Variants in MRS2 observed in about 807,000 individuals in gnomAD.
The protein encoded by MRS2 is magnesium transporter MRS2 homolog, mitochondrial.
In MRS2, 40 loss-of-function variants were observed where a neutral mutation model predicts 52.6. That is an observed-to-expected ratio of 0.76 (90% CI 0.59 to 0.99). MRS2 has a LOEUF of 0.99. Ranked by LOEUF, MRS2 falls within the 50% of genes least tolerant of loss-of-function variation. The pLI is 0.00. For missense variants in MRS2, 472 were observed against 532.7 expected (o/e 0.89, Z 1.12); for synonymous variants, 193 against 195.9 (o/e 0.98, Z 0.13).
intron 5 of MRS2, among the ~76,000 whole-genome samples, chr6:24,414,198 A>C (rs1761760497): frequency 6.6e-6 from 1 of 150,770 alleles, no homozygotes; most frequent in African/African-American, 2.4e-5. Flanking sequence ...TTTCTCGGAG[A>C]GGGGGATTTG....
intron 8 of MRS2, 22 bp from the exon 9 acceptor site, chr6:24,418,439 G>A (rs774246609): frequency 1.2e-6 from 2 of 1,613,584 alleles, no homozygotes; most frequent in Non-Finnish European, 1.7e-6. Flanking sequence ...CTTCTAATCT[G>A]AATAGGTGTT....
intron 1 of MRS2, 25 bp from the exon 2 acceptor site, chr6:24,405,143 G>A (rs1761419186): frequency 5.7e-6 from 9 of 1,584,022 alleles, no homozygotes; most frequent in Non-Finnish European, 6.9e-6. Flanking sequence ...TGTGACCACA[G>A]GAATTCTCTT....
At chr6:24,423,245 T>TA (rs1266811985) in intron 10 of MRS2, 195 bp downstream of exon 10, 1 of 552,786 alleles carries the variant, frequency 1.8e-6, no homozygotes, top group Non-Finnish European at 3.2e-6. Flanking sequence ...AATTAAACAA[T>TA]ATGTGTAAAG....
At chr6:24,408,050 T>C (rs938196756) in intron 2 of MRS2, among the ~76,000 whole-genome samples, 20 of 152,196 alleles carry the variant, frequency 1.3e-4, no homozygotes, top group African/African-American at 4.8e-4. Context: ...ACCTGATAAC[T>C]GTAATTTGTT....
chr6:24,408,475 A>C (rs763997515), intron 3 of MRS2, 31 bp downstream of exon 3: 2 of 1,471,796 alleles, frequency 1.4e-6, no homozygotes, highest in South Asian at 2.3e-5. Flanking sequence ...ATCATTTTTT[A>C]AACATTTAAT....
Position 24,425,108 on chromosome 6 carries a change from C to T in MRS2, c.*1414C>T, listed in dbSNP as rs1249148979. ...TTGTCGGAATGTGAACATACAGCACCCTCTAGCATTACGAATCTCTTAGGA... is the reference window on the plus strand; with the variant it reads ...TTGTCGGAATGTGAACATACAGCACTCTCTAGCATTACGAATCTCTTAGGA... On this transcript the variant is annotated 3_prime_UTR_variant, in exon 11 of 11. Transcript: ENST00000378386. 1.3e-5 allele frequency: 2 copies of T among 152,148 alleles called. No homozygotes were observed. Among genetic ancestry groups the T allele is most frequent in the Admixed American group, 6.5e-5 (1 of 15,286 alleles). 9.4% of individuals were successfully genotyped at this position (152,148 alleles called of 1,614,324 possible).
At chr6:24,420,835 G>T (rs1000845127) in intron 9 of MRS2, among the ~76,000 whole-genome samples, 3 of 152,102 alleles carry the variant, frequency 2.0e-5, no homozygotes, top group African/African-American at 7.2e-5. Flanking sequence ...GGTTGGAATG[G>T]TTAGAAGAGC....
chr6:24,415,024 G>T lies in MRS2; in HGVS notation c.589-9G>T. ...TTTAATTCTTATGAAAGGTCATGTT[G>T]TTATCTAGATCAACACCCTTCAGGG... On this transcript the variant is annotated splice_polypyrimidine_tract_variant and intron_variant, in intron 5 of 10. Coordinates refer to ENST00000378386, the MANE Select transcript of MRS2 (RefSeq NM_020662.4). 6.3e-7 allele frequency: 1 copy of T among 1,587,036 alleles called. No homozygotes were observed.
chr6:24,418,496 T>C lies in MRS2; in HGVS notation c.1025T>C (p.Leu342Pro). The change falls in exon 9 of 11, where the codon CTG becomes CCG. Residue 342 changes from leucine (L) to proline (P), a missense_variant. Leu to Pro is a moderately conservative substitution (Grantham distance 98, BLOSUM62 -3). Coordinates refer to ENST00000378386, the MANE Select transcript of MRS2 (RefSeq NM_020662.4). ...RNVMMRLNLQLTMGTFSLSLF... is the reference protein window; with the variant it reads ...RNVMMRLNLQPTMGTFSLSLF... The stretch of plus-strand genomic sequence containing the variant: ...GTGATGATGAGGTTGAATCTACAGC[T>C]GACCATGGGAACCTTCTCTCTTTCG... The C allele has an allele frequency of 6.2e-7, 1 of 1,614,214 alleles. No individual in the cohort carries two copies. The highest frequency in any genetic ancestry group is 1.1e-5 in the South Asian group (1 of 91,078).
intron 7 of MRS2, among the ~76,000 whole-genome samples, chr6:24,417,397 C>T (rs1234492727): frequency 6.6e-6 from 1 of 152,172 alleles, no homozygotes; most frequent in Non-Finnish European, 1.5e-5. Context: ...AGGAAATGGT[C>T]TTGACATTTT....
At chr6:24,412,762 C>A (rs938222028) in intron 5 of MRS2, among the ~76,000 whole-genome samples, 10 of 152,140 alleles carry the variant, frequency 6.6e-5, no homozygotes, top group African/African-American at 2.2e-4. Context: ...TCCAGTGACT[C>A]CTCCTTTAAA....
intron 7 of MRS2, among the ~76,000 whole-genome samples, chr6:24,417,211 T>G (rs1442825373): frequency 1.3e-5 from 2 of 152,230 alleles, no homozygotes; most frequent in Non-Finnish European, 2.9e-5. Flanking sequence ...AGAAACTGTT[T>G]GCTTTGCTTA....
At chr6:24,408,290 T>A (rs979658370) in intron 2 of MRS2, 118 bp from the exon 3 acceptor site, 19 of 670,890 alleles carry the variant, frequency 2.8e-5, no homozygotes, top group Non-Finnish European at 4.5e-5. Flanking sequence ...TATATTTGCA[T>A]TTCAACATTT....
chr6:24,410,668 G>A (rs909857130), intron 4 of MRS2: 1 of 1,294,680 alleles, frequency 7.7e-7, no homozygotes. Context: ...AAATAAATAA[G>A]TAAATAAAAA....
intron 5 of MRS2, among the ~76,000 whole-genome samples, chr6:24,413,684 C>G (rs367580798): frequency 6.7e-6 from 1 of 148,836 alleles, no homozygotes; most frequent in African/African-American, 2.4e-5. Flanking sequence ...CCTCTGGAGA[C>G]GAAATAAACA....
intron 3 of MRS2, among the ~76,000 whole-genome samples, chr6:24,408,701 C>A (rs1761555198): frequency 6.6e-6 from 1 of 152,172 alleles, no homozygotes; most frequent in African/African-American, 2.4e-5. Flanking sequence ...TTTGGGAGAG[C>A]AGAGGCTGGT....
chr6:24,414,731 A>G (rs9393555), intron 5 of MRS2, among the ~76,000 whole-genome samples: 17,822 of 152,174 alleles, frequency 0.12, 1,767 homozygotes, highest in East Asian at 0.46. Flanking sequence ...GCGGCCGGGC[A>G]GAGGTGCCCC....
chr6:24,403,668 A>G (rs1761365351), intron 1 of MRS2, among the ~76,000 whole-genome samples: 1 of 152,184 alleles, frequency 6.6e-6, no homozygotes, highest in Admixed American at 6.5e-5. Context: ...ATCCTAACGC[A>G]TTAGCCTCGC....
At position 24,416,620 on chromosome 6, in the gene MRS2, A is replaced by G. The variant is rs552596286; in HGVS notation, c.836+107A>G. On this transcript the variant is annotated intron_variant, in intron 7 of 10. Transcript: ENST00000378386. ...AGAATGTAACATTTTTCTGGACTAC[A>G]GAATATAGAGATTTTTCATCCCCAG... 136 of 715,660 alleles carry G rather than the reference A, an allele frequency of 1.9e-4. No homozygotes were observed. The South Asian group carries it at 2.1e-3, about 11-fold the overall frequency. 44.3% of individuals were successfully genotyped at this position (715,660 alleles called of 1,614,324 possible). A position where few individuals can be genotyped will look rare whatever the true frequency, so the allele number is the denominator to read the frequency against.
Sources: allele counts gnomAD v4.1 joint callset (sites outside exome capture counted in the v4.1 genomes callset), GRCh38; gene constraint gnomAD v4.1.1; transcripts MANE v1.5; gene names NCBI Gene and HGNC (gene_info 2026-07-23, HGNC 2026-07-21).